The following FLI1 variants were observed in gnomAD, a reference collection of about 807,000 sequenced individuals.
FLI1 encodes the protein Fli-1 proto-oncogene, ETS transcription factor.
Under a neutral mutation model 53.1 loss-of-function variants are expected in FLI1, and 13 were observed. The observed-to-expected ratio is 0.24, with a 90% CI of 0.16 to 0.39. The LOEUF is 0.39. Ranked by LOEUF, FLI1 falls within the 10% of genes least tolerant of loss-of-function variation. The pLI, the probability that FLI1 is intolerant of heterozygous loss-of-function variation, is 1.00. For missense variants in FLI1, 424 were observed against 600.5 expected, an observed-to-expected ratio of 0.71 and a Z score of 3.07; for synonymous variants, 244 against 236.7, an observed-to-expected ratio of 1.03 and a Z score of -0.28.
At chr11:128,747,623 G>A (rs532533830) in intron 1 of FLI1, among the ~76,000 whole-genome samples, 12 of 152,300 alleles carry the variant, frequency 7.9e-5, no homozygotes, top group South Asian at 2.1e-4. Context: ...TTTGCTTTGC[G>A]CTGTCCCTTT....
intron 6 of FLI1, chr11:128,806,647 T>C (rs1942790664): frequency 6.6e-6 from 1 of 152,190 alleles, no homozygotes; most frequent in South Asian, 2.1e-4. Context: ...CCAGAAACCA[T>C]GCAAGAAGCA....
intron 5 of FLI1, among the ~76,000 whole-genome samples, chr11:128,798,580 G>A (rs758389031): frequency 5.9e-5 from 9 of 152,188 alleles, no homozygotes; most frequent in Middle Eastern, 3.4e-3. Flanking sequence ...GGTCAGCTCC[G>A]AGGCAGAGGG....
chr11:128,790,362 G>A (rs375629267), intron 5 of FLI1, among the ~76,000 whole-genome samples: 14 of 151,828 alleles, frequency 9.2e-5, no homozygotes, highest in East Asian at 7.7e-4. Flanking sequence ...GAGGGAGAGC[G>A]AGAGAACTGG....
chr11:128,764,552 A>C, intron 2 of FLI1: 1 of 1,091,262 alleles, frequency 9.2e-7, no homozygotes, highest in Non-Finnish European at 1.3e-6. Context: ...CTGTAAGTGC[A>C]GGTCTTAATA....
chr11:128,748,624 ACT>A (rs1253939059), intron 1 of FLI1, among the ~76,000 whole-genome samples: 6 of 151,404 alleles, frequency 4.0e-5, no homozygotes, highest in South Asian at 2.1e-4. Flanking sequence ...CAAGAGTGAA[ACT>A]CTGTCTCAAA....
At chr11:128,708,314 T>A (rs189253474) in intron 1 of FLI1, among the ~76,000 whole-genome samples, 4 of 152,356 alleles carry the variant, frequency 2.6e-5, no homozygotes, top group African/African-American at 7.2e-5. Context: ...ATTTTCCATA[T>A]GCTAACACTA....
intron 5 of FLI1, 176 bp from the exon 6 acceptor site, chr11:128,805,190 G>C: frequency 2.1e-6 from 1 of 483,386 alleles, no homozygotes; most frequent in East Asian, 3.4e-5. Context: ...TCTTCTGAAA[G>C]TCAGAGTGTT....
chr11:128,772,496 C>T (rs900119748), intron 3 of FLI1, among the ~76,000 whole-genome samples: 2 of 152,196 alleles, frequency 1.3e-5, no homozygotes, highest in East Asian at 1.9e-4. Context: ...TTTGATGCCA[C>T]CATTTCTCAG....
intron 7 of FLI1, among the ~76,000 whole-genome samples, chr11:128,808,540 G>C (rs898348389): frequency 6.6e-6 from 1 of 152,180 alleles, no homozygotes; most frequent in African/African-American, 2.4e-5. Flanking sequence ...TTTCTGGCTT[G>C]TGTGACATTT....
intron 4 of FLI1, among the ~76,000 whole-genome samples, chr11:128,777,882 G>A (rs1941788542): frequency 6.6e-6 from 1 of 152,240 alleles, no homozygotes; most frequent in Non-Finnish European, 1.5e-5. Flanking sequence ...AGGTTAGGTT[G>A]AGGGAATGTG....
At chr11:128,797,354 A>C (rs1017549686) in intron 5 of FLI1, among the ~76,000 whole-genome samples, 1 of 152,272 alleles carries the variant, frequency 6.6e-6, no homozygotes, top group Non-Finnish European at 1.5e-5. Context: ...TAAAAAACTA[A>C]TTAAAAGGAA....
At chr11:128,774,832 AAT>A (rs926356383) in intron 4 of FLI1, among the ~76,000 whole-genome samples, 5 of 152,172 alleles carry the variant, frequency 3.3e-5, no homozygotes, top group Non-Finnish European at 7.3e-5. Context: ...GCCACCGAAC[AAT>A]GGGAACACAG....
At chr11:128,763,284 T>A (rs1178641660) in intron 2 of FLI1, among the ~76,000 whole-genome samples, 2 of 152,110 alleles carry the variant, frequency 1.3e-5, no homozygotes, top group Non-Finnish European at 2.9e-5. Context: ...GGCTTGCCCA[T>A]GTTGAGGGAG....
At chr11:128,726,225 A>G (rs1939468881) in intron 1 of FLI1, among the ~76,000 whole-genome samples, 1 of 150,542 alleles carries the variant, frequency 6.6e-6, no homozygotes, top group South Asian at 2.1e-4. Flanking sequence ...TGAAGCTGAC[A>G]CCCACCCATG....
At chr11:128,799,058 C>CTTTTTTTTTTTTTTT (rs1942544964) in intron 5 of FLI1, among the ~76,000 whole-genome samples, 1 of 102,750 alleles carries the variant, frequency 9.7e-6, no homozygotes, top group African/African-American at 3.9e-5. Context: ...TATTATTTTG[C>CTTTTTTTTTTTTTTT]TTTGGAGACA....
intron 5 of FLI1, among the ~76,000 whole-genome samples, chr11:128,803,316 C>G (rs1009134400): frequency 6.6e-6 from 1 of 152,188 alleles, no homozygotes; most frequent in Non-Finnish European, 1.5e-5. Flanking sequence ...CCACCTGCAA[C>G]GCCAAGGTCC....
intron 1 of FLI1, among the ~76,000 whole-genome samples, chr11:128,728,327 A>G (rs891891960): frequency 6.6e-6 from 1 of 152,232 alleles, no homozygotes; most frequent in Admixed American, 6.5e-5. Flanking sequence ...TCACAGAACC[A>G]TGGGACGCCA....
chr11:128,741,210 A>G (rs921280037), intron 1 of FLI1, among the ~76,000 whole-genome samples: 1 of 152,136 alleles, frequency 6.6e-6, no homozygotes, highest in Admixed American at 6.5e-5. Flanking sequence ...GCTGGCAAAC[A>G]TAACGAAACC....
chr11:128,756,094 C>T (rs1456129532), intron 1 of FLI1, among the ~76,000 whole-genome samples: 1 of 152,222 alleles, frequency 6.6e-6, no homozygotes, highest in Non-Finnish European at 1.5e-5. Flanking sequence ...GTAGACAAAT[C>T]CCAGCTTTAA....
Sources: gnomAD v4.1 joint callset for allele counts (sites outside exome capture counted in the v4.1 genomes callset) on GRCh38, gnomAD v4.1.1 for gene constraint, MANE v1.5 for transcripts, NCBI Gene and HGNC (gene_info 2026-07-23, HGNC 2026-07-21) for gene names.